SOX5: variants seen among roughly 807,000 people sequenced by gnomAD.
SOX5 encodes transcription factor SOX-5.
Under a neutral mutation model 92.0 loss-of-function variants are expected in SOX5, and 9 were observed. The observed-to-expected ratio is 0.10, with a 90% CI of 0.06 to 0.17. The LOEUF (loss-of-function observed/expected upper bound fraction) is 0.17, where lower values mean the gene tolerates loss of function less well. Ranked by LOEUF, SOX5 falls within the 10% of genes least tolerant of loss-of-function variation. SOX5 has a pLI of 1.00. For missense variants in SOX5, 642 were observed against 944.5 expected (o/e 0.68, Z 4.20); for synonymous variants, 344 against 336.3 (o/e 1.02, Z -0.25).
At chr12:24,359,250 A>G (rs182371097) in intron 2 of SOX5, among the ~76,000 whole-genome samples, 6 of 152,346 alleles carry the variant, frequency 3.9e-5, no homozygotes, top group Admixed American at 3.9e-4. Context: ...ACATTATCCC[A>G]TGAAAGAAGT....
chr12:24,362,871 A>G (rs936154425), intron 2 of SOX5, among the ~76,000 whole-genome samples: 1 of 151,500 alleles, frequency 6.6e-6, no homozygotes, highest in Non-Finnish European at 1.5e-5. Context: ...ACAGTGAAAA[A>G]AAAAAAAAAA....
chr12:24,540,976 C>G (rs957817461), intron 1 of SOX5, among the ~76,000 whole-genome samples: 4 of 152,200 alleles, frequency 2.6e-5, no homozygotes, highest in Middle Eastern at 3.4e-3. Context: ...CTTAACATAA[C>G]CCTTTTAATC....
At chr12:23,768,315 T>A (rs2094807191) in intron 3 of SOX5, among the ~76,000 whole-genome samples, 1 of 152,082 alleles carries the variant, frequency 6.6e-6, no homozygotes, top group African/African-American at 2.4e-5. Context: ...GTTCCACATG[T>A]CAGAAACTCA....
chr12:24,453,983 C>A (rs569263722), intron 1 of SOX5, among the ~76,000 whole-genome samples: 5 of 152,192 alleles, frequency 3.3e-5, no homozygotes, highest in Non-Finnish European at 5.9e-5. Flanking sequence ...CATTACATTT[C>A]TCCAAATAAA....
chr12:23,963,551 G>T (rs536264544), intron 4 of SOX5, among the ~76,000 whole-genome samples: 27 of 152,104 alleles, frequency 1.8e-4, no homozygotes, highest in Non-Finnish European at 2.1e-4. Context: ...GGACTAGGCA[G>T]GTTAATTTAA....
chr12:24,458,324 T>TA (rs1254809269), intron 1 of SOX5, among the ~76,000 whole-genome samples: 2 of 152,222 alleles, frequency 1.3e-5, no homozygotes, highest in Non-Finnish European at 2.9e-5. Context: ...GTGTCTTCTC[T>TA]AAAAACTCCA....
intron 1 of SOX5, among the ~76,000 whole-genome samples, chr12:24,513,494 A>G (rs766716475): frequency 6.6e-6 from 1 of 152,230 alleles, no homozygotes; most frequent in Non-Finnish European, 1.5e-5. Flanking sequence ...ACACTAGGGA[A>G]TAATTAAAGG....
intron 4 of SOX5, among the ~76,000 whole-genome samples, chr12:23,974,636 T>C (rs1948710221): frequency 6.6e-6 from 1 of 152,174 alleles, no homozygotes; most frequent in African/African-American, 2.4e-5. Flanking sequence ...CCAAGCTTCC[T>C]GGCAGGAATG....
chr12:23,854,873 TA>T (rs2096669983), intron 2 of SOX5, among the ~76,000 whole-genome samples: 1 of 152,004 alleles, frequency 6.6e-6, no homozygotes, highest in African/African-American at 2.4e-5. Flanking sequence ...GATTATAAGT[TA>T]AAATATAATG....
intron 2 of SOX5, among the ~76,000 whole-genome samples, chr12:24,320,871 AAATAATAAT>A (rs931920621): frequency 6.7e-6 from 1 of 148,224 alleles, no homozygotes; most frequent in East Asian, 1.9e-4. Flanking sequence ...TCTCAAAAAA[AAATAATAAT>A]AATAATAATA....
intron 1 of SOX5, among the ~76,000 whole-genome samples, chr12:24,520,279 G>T (rs1950153360): frequency 6.6e-6 from 1 of 151,896 alleles, no homozygotes; most frequent in African/African-American, 2.4e-5. Context: ...ACAGATAAAT[G>T]AAACACTCTA....
chr12:23,692,551 T>C (rs1487431450), intron 6 of SOX5, among the ~76,000 whole-genome samples: 2 of 152,188 alleles, frequency 1.3e-5, no homozygotes, highest in Non-Finnish European at 2.9e-5. Context: ...TCCTGAGACA[T>C]GGTTTATGAC....
intron 4 of SOX5, among the ~76,000 whole-genome samples, chr12:24,047,682 G>A (rs908353199): frequency 1.3e-5 from 2 of 152,030 alleles, no homozygotes; most frequent in South Asian, 2.1e-4. Flanking sequence ...CAAATACCTC[G>A]GCTTTACACA....
At chr12:24,404,624 G>C (rs1962498600) in intron 1 of SOX5, among the ~76,000 whole-genome samples, 1 of 152,174 alleles carries the variant, frequency 6.6e-6, no homozygotes, top group South Asian at 2.1e-4. Context: ...GCATAATCCT[G>C]CGTGTAAGAG....
At chr12:23,745,114 T>A (rs1450087078) in intron 4 of SOX5, among the ~76,000 whole-genome samples, 1 of 152,134 alleles carries the variant, frequency 6.6e-6, no homozygotes, top group Non-Finnish European at 1.5e-5. Context: ...GACTTCAGCA[T>A]ATGAATTAGG....
chr12:23,815,223 A>G (rs2095965478), intron 3 of SOX5, among the ~76,000 whole-genome samples: 1 of 152,174 alleles, frequency 6.6e-6, no homozygotes, highest in Non-Finnish European at 1.5e-5. Context: ...CATATAAAGG[A>G]GGAGAAAATG....
intron 4 of SOX5, among the ~76,000 whole-genome samples, chr12:24,096,216 C>T (rs1033510589): frequency 6.6e-6 from 1 of 152,100 alleles, no homozygotes; most frequent in African/African-American, 2.4e-5. Flanking sequence ...TTGCTGCACC[C>T]ATCAACCCAT....
chr12:24,238,558 T>C (rs1448484981), intron 3 of SOX5, among the ~76,000 whole-genome samples: 1 of 152,180 alleles, frequency 6.6e-6, no homozygotes, highest in African/African-American at 2.4e-5. Flanking sequence ...GGTTTTGCCA[T>C]GTTGCCCAGG....
At chr12:23,651,343 C>G (rs896359377) in intron 7 of SOX5, among the ~76,000 whole-genome samples, 6 of 151,942 alleles carry the variant, frequency 3.9e-5, no homozygotes, top group Non-Finnish European at 8.8e-5. Flanking sequence ...GATTATCCCA[C>G]GGTTAATCAT....
Sources: gnomAD v4.1 joint callset for allele counts (sites outside exome capture counted in the v4.1 genomes callset) on GRCh38, gnomAD v4.1.1 for gene constraint, MANE v1.5 for transcripts, NCBI Gene and HGNC (gene_info 2026-07-23, HGNC 2026-07-21) for gene names.